Variants in BANF2 observed in about 807,000 individuals in gnomAD.
The protein encoded by BANF2 is barrier-to-autointegration factor-like protein.
A neutral mutation model predicts 8.0 loss-of-function variants in BANF2; 4 were observed. The ratio of observed to expected loss-of-function variants is 0.50; its 90% CI spans 0.25 to 1.14. The LOEUF (loss-of-function observed/expected upper bound fraction) is 1.14, where lower values mean the gene tolerates loss of function less well. Among genes scored for constraint, BANF2 ranks in the 50% most tolerant of loss-of-function variants. The pLI is 0.16. For missense variants in BANF2, 96 were observed against 107.5 expected (o/e 0.89, Z 0.47); for synonymous variants, 50 against 40.6 (o/e 1.23, Z -0.88).
chr20:17,719,950 T>C (rs2122618241), intron 1 of BANF2, among the ~76,000 whole-genome samples: 1 of 152,304 alleles, frequency 6.6e-6, no homozygotes, highest in South Asian at 2.1e-4. Context: ...TTTTATCAGA[T>C]AGAAGCAAAG....
intron 3 of BANF2, among the ~76,000 whole-genome samples, chr20:17,732,885 C>A (rs1387446844): frequency 1.3e-5 from 2 of 152,186 alleles, no homozygotes; most frequent in Non-Finnish European, 2.9e-5. Flanking sequence ...GGGGGAGAAA[C>A]CAAGCGGGCA....
At chr20:17,704,371 A>G (rs1398852869) in intron 1 of BANF2, among the ~76,000 whole-genome samples, 1 of 152,242 alleles carries the variant, frequency 6.6e-6, no homozygotes, top group Non-Finnish European at 1.5e-5. Flanking sequence ...AGAGACGTCA[A>G]AGCTGCAGGC....
intron 3 of BANF2, among the ~76,000 whole-genome samples, chr20:17,726,653 G>A (rs1256837184): frequency 6.6e-6 from 1 of 152,150 alleles, no homozygotes; most frequent in Non-Finnish European, 1.5e-5. Flanking sequence ...GCAATCAGAT[G>A]TCTCCAAAAT....
rs138349220 is a variant in BANF2 at position 17,719,086 on chromosome 20, G to A, written c.-166-3630G>A. On this transcript the variant is annotated intron_variant, in intron 1 of 3. Transcript: ENST00000246090. ...CTCCCCTGAAAGATGGAGAGCTGGT[G>A]TGCTTTGCCAGGTGCATGGTTGTTG... Among the ~76,000 whole-genome samples, 404 of 152,266 alleles carry A rather than the reference G, an allele frequency of 2.7e-3. 1 individual carries two copies. Among genetic ancestry groups the A allele is most frequent in the African/African-American group, 9.1e-3 (379 of 41,562 alleles).
upstream of BANF2, among the ~76,000 whole-genome samples, chr20:17,696,013 C>G (rs2037344122): frequency 2.0e-5 from 3 of 152,150 alleles, no homozygotes; most frequent in Admixed American, 6.5e-5. Flanking sequence ...GAGTTTGTTC[C>G]TTTTGTTGCT....
intron 1 of BANF2, chr20:17,712,497 C>G: frequency 1.0e-6 from 1 of 981,168 alleles, no homozygotes; most frequent in Non-Finnish European, 1.2e-6. Flanking sequence ...TGACTCTACC[C>G]ACTGGAATCT....
intron 1 of BANF2, among the ~76,000 whole-genome samples, chr20:17,704,394 C>T (rs1359389570): frequency 2.0e-5 from 3 of 152,180 alleles, no homozygotes; most frequent in Non-Finnish European, 4.4e-5. Flanking sequence ...ACAGGCTGCA[C>T]GTGGAGTAGC....
chr20:17,697,627 G>A (rs938390591), upstream of BANF2, among the ~76,000 whole-genome samples: 81 of 152,336 alleles, frequency 5.3e-4, no homozygotes, highest in African/African-American at 1.9e-3. Flanking sequence ...TTGAGTGGAA[G>A]CAGTTTATTT....
chr20:17,721,415 G>A (rs11697058), intron 1 of BANF2, among the ~76,000 whole-genome samples: 19,752 of 148,550 alleles, frequency 0.13, 1,398 homozygotes, highest in Middle Eastern at 0.29. Context: ...TTTTTAAGAC[G>A]GAGTCTCGCT....
rs1296401058 is a variant in BANF2, at chr20:17,725,141, G to A, written c.116G>A (p.Gly39Asp). The change falls in exon 3 of 4, where the codon GGT (glycine) becomes GAT (aspartate). Residue 39 changes from glycine to aspartate, a missense_variant. Physicochemically the swap from Gly to Asp is moderately conservative, Grantham distance 94. Transcript: ENST00000246090. ...CTCGCGATCAATTTGGTCACCAAAG[G>A]TATCAATAAGGTAATTCATATTTTC... Reference protein sequence around the residue: ...HELAINLVTKGINKAYILLGQ... With the variant: ...HELAINLVTKDINKAYILLGQ... The A allele has an allele frequency of 6.2e-7, 1 of 1,612,224 alleles. No individual in the cohort carries two copies. The highest frequency in any genetic ancestry group is 1.7e-5 in the Admixed American group (1 of 60,028).
chr20:17,733,075 G>A (rs1288349721), intron 3 of BANF2, among the ~76,000 whole-genome samples: 1 of 152,206 alleles, frequency 6.6e-6, no homozygotes, highest in Non-Finnish European at 1.5e-5. Context: ...GCTGCAAGAC[G>A]GGGCTTCCTG....
At chr20:17,714,197 C>CA (rs11375517) in intron 1 of BANF2, among the ~76,000 whole-genome samples, 23,306 of 74,890 alleles carry the variant, frequency 0.31, 3,292 homozygotes, top group East Asian at 0.5. Context: ...GAGACTCTGT[C>CA]AAAAAAAAAA....
intron 1 of BANF2, among the ~76,000 whole-genome samples, chr20:17,721,338 A>G (rs944827066): frequency 6.6e-6 from 1 of 151,956 alleles, no homozygotes; most frequent in Non-Finnish European, 1.5e-5. Context: ...AGGACACCCA[A>G]GAAGAAAAGA....
intron 1 of BANF2, among the ~76,000 whole-genome samples, chr20:17,704,149 G>A (rs911224140): frequency 2.6e-5 from 4 of 152,242 alleles, no homozygotes; most frequent in Non-Finnish European, 5.9e-5. Context: ...CCAGATAAAA[G>A]GGGAGGGGAA....
intron 3 of BANF2, among the ~76,000 whole-genome samples, chr20:17,727,800 A>G (rs2037830288): frequency 6.6e-6 from 1 of 152,180 alleles, no homozygotes; most frequent in Admixed American, 6.5e-5. Context: ...GCTGGGGTTC[A>G]GTGACGTGAT....
At chr20:17,702,071 C>T (rs1328990063) in intron 1 of BANF2, among the ~76,000 whole-genome samples, 1 of 152,180 alleles carries the variant, frequency 6.6e-6, no homozygotes, top group Admixed American at 6.5e-5. Context: ...GTAACCACCC[C>T]AGAGGATCAG....
At chr20:17,693,999 G>A (rs1248332363) in intron 1 of BANF2, among the ~76,000 whole-genome samples, 1 of 152,238 alleles carries the variant, frequency 6.6e-6, no homozygotes, top group Non-Finnish European at 1.5e-5. Flanking sequence ...GTGGGAACAA[G>A]CAGCATTTGC....
At chr20:17,721,296 T>C (rs1027567219) in intron 1 of BANF2, among the ~76,000 whole-genome samples, 4 of 152,198 alleles carry the variant, frequency 2.6e-5, no homozygotes, top group Non-Finnish European at 5.9e-5. Context: ...GAAGTTCCAC[T>C]GGAGAGTTTC....
upstream of BANF2, among the ~76,000 whole-genome samples, chr20:17,698,955 A>C (rs1034607866): frequency 1.3e-5 from 2 of 152,212 alleles, no homozygotes; most frequent in Non-Finnish European, 2.9e-5. Context: ...GCACCCTTAC[A>C]TGTTCTTAAA....
Sources: gnomAD v4.1 joint callset for allele counts (sites outside exome capture counted in the v4.1 genomes callset) on GRCh38, gnomAD v4.1.1 for gene constraint, MANE v1.5 for transcripts, NCBI Gene and HGNC (gene_info 2026-07-23, HGNC 2026-07-21) for gene names.